Variants in PRKCB observed in about 807,000 individuals in gnomAD.
The protein encoded by PRKCB is protein kinase C beta.
Under a neutral mutation model 81.5 loss-of-function variants are expected in PRKCB, and 13 were observed. The ratio of observed to expected loss-of-function variants is 0.16; its 90% CI spans 0.10 to 0.25. PRKCB has a LOEUF of 0.25. Ranked by LOEUF, PRKCB falls within the 10% of genes least tolerant of loss-of-function variation. The pLI is 1.00. For missense variants in PRKCB, 509 were observed against 875.7 expected, an observed-to-expected ratio of 0.58 and a Z score of 5.29; for synonymous variants, 335 against 321.4, an observed-to-expected ratio of 1.04 and a Z score of -0.45.
chr16:23,923,858 C>T (rs1455799422), intron 2 of PRKCB, among the ~76,000 whole-genome samples: 1 of 152,062 alleles, frequency 6.6e-6, no homozygotes, highest in Non-Finnish European at 1.5e-5. Context: ...CAGAAGTAAC[C>T]TACCCAATAG....
At chr16:24,143,464 G>C (rs1966936668) in intron 9 of PRKCB, among the ~76,000 whole-genome samples, 1 of 152,016 alleles carries the variant, frequency 6.6e-6, no homozygotes, top group Non-Finnish European at 1.5e-5. Flanking sequence ...GGAGGGTATA[G>C]TCCTTGCAAC....
intron 2 of PRKCB, among the ~76,000 whole-genome samples, chr16:23,984,940 T>C (rs1274157174): frequency 6.6e-6 from 1 of 152,072 alleles, no homozygotes; most frequent in Non-Finnish European, 1.5e-5. Context: ...AAAGAGAGAA[T>C]AATAAAAATA....
At chr16:23,936,363 C>T (rs949871384) in intron 2 of PRKCB, among the ~76,000 whole-genome samples, 1 of 152,092 alleles carries the variant, frequency 6.6e-6, no homozygotes, top group Admixed American at 6.6e-5. Context: ...TCTAGAAGAT[C>T]TCTCTAAGCA....
intron 2 of PRKCB, among the ~76,000 whole-genome samples, chr16:23,854,484 C>T (rs1343782564): frequency 6.6e-6 from 1 of 152,148 alleles, no homozygotes; most frequent in Non-Finnish European, 1.5e-5. Context: ...CATTTACCTT[C>T]CTGGGGCCTC....
chr16:23,994,039 C>T (rs926756567), intron 3 of PRKCB, among the ~76,000 whole-genome samples: 18 of 152,082 alleles, frequency 1.2e-4, no homozygotes, highest in African/African-American at 1.9e-4. Flanking sequence ...CTTGAGAAAG[C>T]GATTATACTG....
chr16:24,127,004 CTTTT>C (rs34385102), intron 9 of PRKCB, among the ~76,000 whole-genome samples: 27 of 116,188 alleles, frequency 2.3e-4, no homozygotes, highest in African/African-American at 8.5e-4. Context: ...TTCTTTTTTC[CTTTT>C]TTTTTTTTTT....
At position 24,218,007 on chromosome 16, in the gene PRKCB, C is replaced by T. The variant is rs924813196; in HGVS notation, c.*3191C>T. On this transcript the variant is annotated 3_prime_UTR_variant, in exon 17 of 17. Coordinates refer to ENST00000643927, the MANE Select transcript of PRKCB (RefSeq NM_002738.7). ...TTATAAGTTGCAAAAAGGATAGAGG[C>T]ATATCCCAAGTCTTCCTTCATTCCA... 30 of 985,218 alleles carry T rather than the reference C, an allele frequency of 3.0e-5. No individual in the cohort carries two copies. The highest frequency in any genetic ancestry group is 1.1e-4 in the East Asian group (1 of 8,816). The allele number at this position is 985,218 out of a possible 1,614,324, so 61.0% of individuals were successfully genotyped here.
chr16:23,942,196 A>G (rs950752954), intron 2 of PRKCB, among the ~76,000 whole-genome samples: 1 of 152,246 alleles, frequency 6.6e-6, no homozygotes, highest in African/African-American at 2.4e-5. Flanking sequence ...GCAGAAGGCC[A>G]GAGGAAGTAC....
In PRKCB at chr16:23,894,600, C is replaced by T. The variant is rs1212792349; in HGVS notation, c.205+57194C>T. Among the ~76,000 whole-genome samples, 5 of 152,314 alleles carry T rather than the reference C, an allele frequency of 3.3e-5. No individual in the cohort carries two copies. In the East Asian group the frequency reaches 7.7e-4, roughly 23 times the overall value. ...TCCAGCTTCCAGGTGCAAGCGCCTG[C>T]ATGTGTGCACAGGTGACACCATGTA... On this transcript the variant is annotated intron_variant, in intron 2 of 16. Coordinates refer to ENST00000643927, the MANE Select transcript of PRKCB (RefSeq NM_002738.7).
intron 2 of PRKCB, among the ~76,000 whole-genome samples, chr16:23,908,807 C>T (rs1258852116): frequency 2.0e-4 from 31 of 152,146 alleles, no homozygotes; most frequent in Non-Finnish European, 2.8e-4. Context: ...CGTGAGCCAC[C>T]GCGCCCAGCC....
At chr16:23,996,949 C>A (rs950405662) in intron 3 of PRKCB, among the ~76,000 whole-genome samples, 1 of 152,160 alleles carries the variant, frequency 6.6e-6, no homozygotes, top group Non-Finnish European at 1.5e-5. Context: ...ATTTATGGAT[C>A]TGGGAATCAA....
chr16:23,839,412 T>A (rs1962228255), intron 2 of PRKCB, among the ~76,000 whole-genome samples: 1 of 151,772 alleles, frequency 6.6e-6, no homozygotes, highest in Admixed American at 6.6e-5. Flanking sequence ...TAATTGGGAC[T>A]ACAAGTACGC....
chr16:24,090,972 C>G (rs1004442211), intron 5 of PRKCB, among the ~76,000 whole-genome samples: 3 of 151,982 alleles, frequency 2.0e-5, no homozygotes, highest in African/African-American at 7.3e-5. Context: ...GATATTTTTC[C>G]AGCCTTTTCC....
intron 2 of PRKCB, among the ~76,000 whole-genome samples, chr16:23,945,708 A>G (rs1964196707): frequency 6.6e-6 from 1 of 151,852 alleles, no homozygotes; most frequent in South Asian, 2.1e-4. Flanking sequence ...AATGTTTAGT[A>G]GTTGGCTCTC....
chr16:24,108,245 G>A (rs897699815), intron 7 of PRKCB, among the ~76,000 whole-genome samples: 1 of 145,162 alleles, frequency 6.9e-6, no homozygotes, highest in Non-Finnish European at 1.5e-5. Flanking sequence ...ATGGGATTAG[G>A]TTACAGTGTT....
chr16:23,909,495 G>T (rs550452257), intron 2 of PRKCB, among the ~76,000 whole-genome samples: 1 of 152,262 alleles, frequency 6.6e-6, no homozygotes, highest in African/African-American at 2.4e-5. Context: ...ATACATTTAA[G>T]TTCAAGTGCA....
chr16:23,984,773 A>G (rs1964780056), intron 2 of PRKCB, among the ~76,000 whole-genome samples: 1 of 152,176 alleles, frequency 6.6e-6, no homozygotes, highest in African/African-American at 2.4e-5. Flanking sequence ...AGTTTGTTTG[A>G]GTAGAGGTGA....
At chr16:24,078,326 G>C (rs1278012920) in intron 5 of PRKCB, among the ~76,000 whole-genome samples, 5 of 152,196 alleles carry the variant, frequency 3.3e-5, no homozygotes, top group Non-Finnish European at 5.9e-5. Flanking sequence ...CCCATGGCAC[G>C]CCATCCTGGT....
intron 3 of PRKCB, among the ~76,000 whole-genome samples, chr16:24,028,242 C>G (rs1596518941): frequency 6.6e-6 from 1 of 152,158 alleles, no homozygotes; most frequent in South Asian, 2.1e-4. Flanking sequence ...GTGCATGCCA[C>G]TATGCCCAGC....
Sources: gnomAD v4.1 joint callset for allele counts (sites outside exome capture counted in the v4.1 genomes callset) on GRCh38, gnomAD v4.1.1 for gene constraint, MANE v1.5 for transcripts, NCBI Gene and HGNC (gene_info 2026-07-23, HGNC 2026-07-21) for gene names.